Variants in PDE9A observed in about 807,000 individuals in gnomAD.
PDE9A encodes the protein high affinity cGMP-specific 3',5'-cyclic phosphodiesterase 9A.
In PDE9A, 60 loss-of-function variants were observed where a neutral mutation model predicts 87.4. The observed-to-expected ratio is 0.69, with a 90% CI of 0.56 to 0.85. The LOEUF (loss-of-function observed/expected upper bound fraction) is 0.85, where lower values mean the gene tolerates loss of function less well. Among genes scored for constraint, PDE9A ranks in the 40% least tolerant of loss-of-function variants. The pLI is 0.00. For synonymous variants in PDE9A, 272 were observed against 279.4 expected, an observed-to-expected ratio of 0.97 and a Z score of 0.27; for missense variants, 665 against 779.0, an observed-to-expected ratio of 0.85 and a Z score of 1.74.
At chr21:42,679,211 G>A (rs1253852436) in intron 1 of PDE9A, among the ~76,000 whole-genome samples, 5 of 152,128 alleles carry the variant, frequency 3.3e-5, no homozygotes, top group African/African-American at 9.7e-5. Flanking sequence ...AGAACCTTCC[G>A]GAATGCCTGC....
intron 4 of PDE9A, among the ~76,000 whole-genome samples, chr21:42,721,523 A>G (rs2050529232): frequency 6.6e-6 from 1 of 152,168 alleles, no homozygotes; most frequent in African/African-American, 2.4e-5. Flanking sequence ...TTAATCATGT[A>G]ACTTTATTGT....
chr21:42,692,277 G>A lies in PDE9A; in HGVS notation c.218+4283G>A, dbSNP rs965268106. ...TTTTCTTCTGGGGACGCAGGGCAACGTCTGGAGACATTTCTGGATGTCACC... is the reference window on the plus strand; with the variant it reads ...TTTTCTTCTGGGGACGCAGGGCAACATCTGGAGACATTTCTGGATGTCACC... On this transcript the variant is annotated intron_variant, in intron 3 of 19. Coordinates refer to ENST00000291539, the MANE Select transcript of PDE9A (RefSeq NM_002606.3). This position sits in a 1 kb window ranked among gnomAD's most constrained non-coding sequence, Gnocchi z 4.3. Among the ~76,000 whole-genome samples, 10 of 152,142 alleles carry A rather than the reference G, an allele frequency of 6.6e-5. No homozygotes were observed. The highest frequency in any genetic ancestry group is 4.8e-5 in the African/African-American group (2 of 41,438).
chr21:42,753,861 C>CAAA (rs57957426), intron 9 of PDE9A, 129 bp from the exon 10 acceptor site: 597 of 431,488 alleles, frequency 1.4e-3, no homozygotes, highest in South Asian at 2.5e-3. Flanking sequence ...GACTCTATCT[C>CAAA]AAAAAAAAAA....
chr21:42,709,999 G>A lies in PDE9A; in HGVS notation c.262+10988G>A, dbSNP rs185554121. ...TTAGGGTTCGGCTACTAGAATTATT[G>A]TACAAGTCTTATTGTGGGCATCCTT... On this transcript the variant is annotated intron_variant, in intron 4 of 19. Transcript: ENST00000291539. Among the ~76,000 whole-genome samples the A allele has an allele frequency of 1.9e-3, 295 of 152,272 alleles. 2 individuals carry two copies. The highest frequency in any genetic ancestry group is 3.1e-3 in the Non-Finnish European group (210 of 68,030).
intron 8 of PDE9A, 125 bp from the exon 9 acceptor site, chr21:42,750,991 T>A: frequency 1.4e-6 from 1 of 725,538 alleles, no homozygotes; most frequent in Middle Eastern, 2.4e-4. Context: ...CCCTGACTCC[T>A]CTCCCACAGC....
At chr21:42,661,530 C>T (rs2057491185) in intron 1 of PDE9A, among the ~76,000 whole-genome samples, 2 of 152,094 alleles carry the variant, frequency 1.3e-5, no homozygotes, top group Non-Finnish European at 2.9e-5. Context: ...GGATCATGCC[C>T]TCAGGTGCAT....
At chr21:42,740,735 G>A (rs1453824412) in intron 7 of PDE9A, among the ~76,000 whole-genome samples, 30 of 141,490 alleles carry the variant, frequency 2.1e-4, no homozygotes, top group Admixed American at 1.7e-3. Flanking sequence ...TAGATAGATA[G>A]ATAGATAGAT....
rs376910664 is a variant in PDE9A, at chr21:42,656,784, C to A, written c.69+2901C>A. ...CGGAGGTTGCCTCCTGAGCCCTACA[C>A]GAAGGCAGGACTCTGTGCCCTGGAG... On this transcript the variant is annotated intron_variant, in intron 1 of 19. Coordinates refer to ENST00000291539, the MANE Select transcript of PDE9A (RefSeq NM_002606.3). Among the ~76,000 whole-genome samples, 62 of 152,288 alleles carry A rather than the reference C, an allele frequency of 4.1e-4. No homozygotes were observed. In the East Asian group the frequency reaches 8.1e-3, roughly 20 times the overall value.
chr21:42,716,680 G>C (rs1378680581), intron 4 of PDE9A, among the ~76,000 whole-genome samples: 1 of 146,706 alleles, frequency 6.8e-6, no homozygotes, highest in African/African-American at 2.6e-5. Flanking sequence ...CACCACCTTT[G>C]AGTTATTGTG....
rs748274228 is a variant in PDE9A, at chr21:42,768,226, C to T, written c.1395C>T (p.Asn465=). The T allele has an allele frequency of 4.3e-5, 70 of 1,610,964 alleles. No individual in the cohort carries two copies. The highest frequency in any genetic ancestry group is 3.8e-4 in the East Asian group (17 of 44,890). Reference sequence around the variant, plus strand: ...TGATAAAATGCTGTGATATCTCTAACGAGGTCCGTCCAATGGAAGTCGCAG... The same window carrying T: ...TGATAAAATGCTGTGATATCTCTAATGAGGTCCGTCCAATGGAAGTCGCAG... The part of the protein sequence containing the change: ...MILIKCCDIS[N]EVRPMEVAEP... Residue 465 remains asparagine (N), a synonymous_variant, in exon 16 of 20, where the codon AAC becomes AAT. Transcript: ENST00000291539.
intron 17 of PDE9A, 41 bp from the exon 18 acceptor site, chr21:42,770,662 A>G (rs774308533): frequency 6.6e-7 from 1 of 1,508,158 alleles, no homozygotes; most frequent in South Asian, 1.1e-5. Context: ...CCATTGCCTT[A>G]AGAACGAGGG....
At chr21:42,732,565 T>C (rs189508101) in intron 6 of PDE9A, among the ~76,000 whole-genome samples, 4 of 152,378 alleles carry the variant, frequency 2.6e-5, no homozygotes, top group Admixed American at 2.0e-4. Context: ...CTGTGGCGTC[T>C]TACTGCCCAG....
intron 1 of PDE9A, among the ~76,000 whole-genome samples, chr21:42,667,878 C>T (rs548684765): frequency 6.6e-6 from 1 of 152,024 alleles, no homozygotes; most frequent in East Asian, 1.9e-4. Context: ...TTTGATGAAC[C>T]GCCCTTTCCC....
At position 42,662,899 on chromosome 21, in the gene PDE9A, CCA is replaced by C. The variant is rs531986193; in HGVS notation, c.69+9024_69+9025del. On this transcript the variant is annotated intron_variant, in intron 1 of 19. Transcript: ENST00000291539. ...CACACACAGCACACACAAAAACACA[CCA>C]CACACACCATGCACATGCACATCAC... Among the ~76,000 whole-genome samples the C allele has an allele frequency of 8.1e-4, 117 of 143,722 alleles. 1 individual carries two copies. In the South Asian group the frequency reaches 0.024, roughly 30 times the overall value. The allele number at this position is 143,722 out of a possible 152,430, so 94.3% of individuals were successfully genotyped here.
chr21:42,753,736 C>T (rs1602476011), intron 9 of PDE9A, among the ~76,000 whole-genome samples: 4 of 151,816 alleles, frequency 2.6e-5, no homozygotes, highest in South Asian at 2.1e-4. Context: ...TGGTGGCGGG[C>T]GCCTGCAGTC....
intron 7 of PDE9A, among the ~76,000 whole-genome samples, chr21:42,738,368 T>C (rs376952106): frequency 6.6e-6 from 1 of 152,212 alleles, no homozygotes; most frequent in East Asian, 1.9e-4. Flanking sequence ...TATTCATACA[T>C]GTCTTTAAAC....
chr21:42,657,517 C>G (rs1168264187), intron 1 of PDE9A, among the ~76,000 whole-genome samples: 1 of 152,368 alleles, frequency 6.6e-6, no homozygotes, highest in Non-Finnish European at 1.5e-5. Flanking sequence ...CCCTGGGGGG[C>G]CCTGGCTGCA....
At chr21:42,655,015 T>C (rs1368104040) in intron 1 of PDE9A, among the ~76,000 whole-genome samples, 3 of 152,214 alleles carry the variant, frequency 2.0e-5, no homozygotes, top group African/African-American at 7.2e-5. Context: ...ACTAGGCGTC[T>C]GCAATTGCAT....
At chr21:42,684,450 A>G (rs758193117) in intron 1 of PDE9A, among the ~76,000 whole-genome samples, 19 of 152,246 alleles carry the variant, frequency 1.2e-4, no homozygotes, top group Non-Finnish European at 2.2e-4. Flanking sequence ...GGGAGGCCGC[A>G]GCGTGAACTG....
Sources: allele counts gnomAD v4.1 joint callset (sites outside exome capture counted in the v4.1 genomes callset), GRCh38; gene constraint gnomAD v4.1.1; non-coding constraint Gnocchi (gnomAD v3.1); transcripts MANE v1.5; gene names NCBI Gene and HGNC (gene_info 2026-07-23, HGNC 2026-07-21).